The following MAP2K1 variants were observed in gnomAD, a reference collection of about 807,000 sequenced individuals.
The protein encoded by MAP2K1 is dual specificity mitogen-activated protein kinase kinase 1.
In MAP2K1, 16 loss-of-function variants were observed where a neutral mutation model predicts 46.3. The observed-to-expected ratio is 0.35, with a 90% confidence interval of 0.23 to 0.52. The LOEUF (loss-of-function observed/expected upper bound fraction) is 0.52. Among genes scored for constraint, MAP2K1 ranks in the 20% least tolerant of loss-of-function variants. The pLI, the probability that MAP2K1 is intolerant of heterozygous loss-of-function variation, is 0.94. For synonymous variants in MAP2K1, 183 were observed against 185.6 expected (o/e 0.99, Z 0.11); for missense variants, 263 against 497.1 (o/e 0.53, Z 4.48).
intron 5 of MAP2K1, among the ~76,000 whole-genome samples, chr15:66,460,537 G>A (rs190473234): frequency 1.3e-5 from 2 of 152,306 alleles, no homozygotes; most frequent in East Asian, 3.9e-4. Flanking sequence ...GTTCCTGATG[G>A]CAAGGGGTGA....
intron 1 of MAP2K1, among the ~76,000 whole-genome samples, chr15:66,410,633 A>G (rs1485291435): frequency 2.0e-5 from 3 of 152,166 alleles, no homozygotes; most frequent in Non-Finnish European, 2.9e-5. Flanking sequence ...AAAACTTCTC[A>G]TTTGTCAAAG....
chr15:66,397,131 A>AG (rs1388921662), intron 1 of MAP2K1, among the ~76,000 whole-genome samples: 1 of 148,744 alleles, frequency 6.7e-6, no homozygotes, highest in Admixed American at 6.8e-5. Flanking sequence ...CAGCTTCCCG[A>AG]GTAGCTGGGA....
intron 1 of MAP2K1, among the ~76,000 whole-genome samples, chr15:66,416,629 C>T (rs1269191481): frequency 6.6e-6 from 1 of 152,096 alleles, no homozygotes; most frequent in African/African-American, 2.4e-5. Context: ...ACTCACATTT[C>T]CCTTTCTATG....
At chr15:66,439,960 C>T (rs561789381) in intron 3 of MAP2K1, among the ~76,000 whole-genome samples, 44 of 150,570 alleles carry the variant, frequency 2.9e-4, no homozygotes, top group Non-Finnish European at 5.8e-4. Flanking sequence ...AAAATTCTAG[C>T]ATGCAGGAAA....
intron 5 of MAP2K1, chr15:66,446,310 G>C (rs1482195541): frequency 6.5e-6 from 1 of 152,956 alleles, no homozygotes; most frequent in Admixed American, 6.5e-5. Flanking sequence ...GTAGTGGTGA[G>C]TGCCTGTAGT....
At chr15:66,398,060 C>T in intron 1 of MAP2K1, among the ~76,000 whole-genome samples, 1 of 151,506 alleles carries the variant, frequency 6.6e-6, no homozygotes, top group Non-Finnish European at 1.5e-5. Context: ...CAAGAGCATG[C>T]CATTGCACTC....
intron 8 of MAP2K1, 61 bp downstream of exon 8, chr15:66,487,353 A>G: frequency 6.6e-7 from 1 of 1,522,120 alleles, no homozygotes; most frequent in Non-Finnish European, 9.1e-7. Flanking sequence ...GAAAACACCC[A>G]GGTGGCCGGG....
In MAP2K1 at chr15:66,444,688, G is replaced by A. The variant is rs747352922; in HGVS notation, c.549G>A (p.Lys183=). ...VIKGLTYLRE[K]HKIMHRDVKP... ...AAGGCCTGACATATCTGAGGGAGAAGCACAAGATCATGCACAGAGGTAAGA... is the reference window on the plus strand; with the variant it reads ...AAGGCCTGACATATCTGAGGGAGAAACACAAGATCATGCACAGAGGTAAGA... Residue 183 remains lysine, a synonymous_variant, in exon 5 of 11, where the codon AAG becomes AAA. Transcript: ENST00000307102. 2.5e-6 allele frequency: 4 copies of A among 1,612,844 alleles called. No individual in the cohort carries two copies. The East Asian group carries it at 8.9e-5, about 36-fold the overall frequency.
chr15:66,415,915 A>AT (rs1223035993), intron 1 of MAP2K1, among the ~76,000 whole-genome samples: 4 of 152,164 alleles, frequency 2.6e-5, no homozygotes, highest in East Asian at 3.8e-4. Flanking sequence ...GACTAGTTGG[A>AT]TTTTTTCATA....
At chr15:66,444,788 T>C (rs1468382693) in intron 5 of MAP2K1, 81 bp downstream of exon 5, 2 of 1,189,780 alleles carry the variant, frequency 1.7e-6, no homozygotes, top group African/African-American at 3.0e-5. Flanking sequence ...TTTCTATGTT[T>C]TGTTTTCGTG....
chr15:66,404,361 AAAACAAAAC>A (rs900905817), intron 1 of MAP2K1, among the ~76,000 whole-genome samples: 3 of 152,318 alleles, frequency 2.0e-5, no homozygotes, highest in Non-Finnish European at 4.4e-5. Context: ...GTCTCAGAAA[AAAACAAAAC>A]AAACAAAAAC....
At chr15:66,488,215 CCT>C (rs1893114848) in intron 8 of MAP2K1, among the ~76,000 whole-genome samples, 1 of 152,206 alleles carries the variant, frequency 6.6e-6, no homozygotes, top group African/African-American at 2.4e-5. Flanking sequence ...CTGCTGGTCT[CCT>C]CTCTTCCTTG....
In MAP2K1 at chr15:66,420,847, A is replaced by ATATATGTGTGTATATATATGTGTG. The variant is rs2093438819; in HGVS notation, c.81-14175_81-14174insGTGTGTATATATATGTGTGTATAT. On this transcript the variant is annotated intron_variant, in intron 1 of 10. Coordinates refer to ENST00000307102, the MANE Select transcript of MAP2K1 (RefSeq NM_002755.4). ...TATATATGTGTATATATATGTGTGTATATATATGTGTGTATATATATGTGT... is the reference window on the plus strand; with the variant it reads ...TATATATGTGTATATATATGTGTGTATATATGTGTGTATATATATGTGTGTATATATGTGTGTATATATATGTGT... Among the ~76,000 whole-genome samples, 13 of 68,014 alleles carry ATATATGTGTGTATATATATGTGTG rather than the reference A, an allele frequency of 1.9e-4. 1 individual carries two copies. The highest frequency in any genetic ancestry group is 4.5e-4 in the African/African-American group (11 of 24,610). 44.6% of individuals were successfully genotyped at this position (68,014 alleles called of 152,430 possible). A position where few individuals can be genotyped will look rare whatever the true frequency, so the allele number is the denominator to read the frequency against.
intron 1 of MAP2K1, among the ~76,000 whole-genome samples, chr15:66,417,278 G>A (rs1240611316): frequency 6.6e-6 from 1 of 152,106 alleles, no homozygotes; most frequent in Non-Finnish European, 1.5e-5. Context: ...AGTTTAACAT[G>A]TTGAATGTTG....
intron 5 of MAP2K1, among the ~76,000 whole-genome samples, chr15:66,475,555 T>G (rs1404150456): frequency 1.3e-5 from 2 of 152,184 alleles, no homozygotes; most frequent in East Asian, 3.8e-4. Flanking sequence ...TCTTCCATCT[T>G]GCCTTAGGGA....
At chr15:66,470,649 C>G (rs142509965) in intron 5 of MAP2K1, among the ~76,000 whole-genome samples, 32 of 152,308 alleles carry the variant, frequency 2.1e-4, no homozygotes, top group Admixed American at 7.2e-4. Context: ...AGCAAATTGT[C>G]TGATTGGTTT....
chr15:66,387,264 C>A lies in MAP2K1; in HGVS notation c.-84C>A. 1 of 1,260,438 alleles carries A rather than the reference C, an allele frequency of 7.9e-7. No individual in the cohort carries two copies. The highest frequency in any genetic ancestry group is 1.1e-6 in the Non-Finnish European group (1 of 887,426). 78.1% of individuals were successfully genotyped at this position (1,260,438 alleles called of 1,614,324 possible). On this transcript the variant is annotated 5_prime_UTR_variant, in exon 1 of 11. Transcript: ENST00000307102. ...CCCGCGGCCCGGACTTGGTCCTGCG[C>A]AGCGGGCGCGGGGCAGCGCAGCGGG...
intron 1 of MAP2K1, among the ~76,000 whole-genome samples, chr15:66,409,769 C>A (rs1402289149): frequency 3.3e-5 from 5 of 152,184 alleles, no homozygotes; most frequent in African/African-American, 1.2e-4. Context: ...AGTCTTCACA[C>A]CCCCGCTAAT....
In MAP2K1 at chr15:66,490,495, C is replaced by A; in HGVS notation, c.1069-7C>A. The A allele has an allele frequency of 6.3e-7, 1 of 1,591,806 alleles. No individual in the cohort carries two copies. Among genetic ancestry groups the A allele is most frequent in the Non-Finnish European group, 8.6e-7 (1 of 1,159,640 alleles). On this transcript the variant is annotated splice_region_variant and splice_polypyrimidine_tract_variant and intron_variant, in intron 10 of 10. Coordinates refer to ENST00000307102, the MANE Select transcript of MAP2K1 (RefSeq NM_002755.4). ...AACACCACGTCCTCTCGTTTCCTTACATGCAGGTTCATGCTTTTATCAAGA... is the reference window on the plus strand; with the variant it reads ...AACACCACGTCCTCTCGTTTCCTTAAATGCAGGTTCATGCTTTTATCAAGA...
Sources: allele counts gnomAD v4.1 joint callset (sites outside exome capture counted in the v4.1 genomes callset), GRCh38; gene constraint gnomAD v4.1.1; transcripts MANE v1.5; gene names NCBI Gene and HGNC (gene_info 2026-07-23, HGNC 2026-07-21).